The following NHS variants were observed in gnomAD, a reference collection of about 807,000 sequenced individuals.
NHS encodes NHS actin remodeling regulator.
NHS carries 5 observed loss-of-function variants against 72.5 expected under a neutral mutation model. The observed-to-expected ratio is 0.07, with a 90% CI of 0.04 to 0.14. The LOEUF is 0.14. Ranked by LOEUF, NHS falls within the 10% of genes least tolerant of loss-of-function variation. The probability of loss-of-function intolerance (pLI) is 1.00; values close to 1 mark genes in which losing one functional copy is unlikely to be tolerated. For synonymous variants in NHS, 464 were observed against 547.7 expected (o/e 0.85, Z 2.13); for missense variants, 1,072 against 1,355.7 (o/e 0.79, Z 3.29).
chrX:17,419,636 T>C (rs578079770), intron 1 of NHS, among the ~76,000 whole-genome samples: 1 of 110,958 alleles, frequency 9.0e-6, no homozygotes, highest in East Asian at 2.8e-4. Context: ...AGAATATTTC[T>C]AGATTTAGTG....
At chrX:17,521,950 C>G (rs925722366) in intron 1 of NHS, among the ~76,000 whole-genome samples, 3 of 112,536 alleles carry the variant, frequency 2.7e-5, no homozygotes, top group African/African-American at 9.7e-5. Context: ...TTCCAATTCT[C>G]TGGATAATTC....
intron 1 of NHS, among the ~76,000 whole-genome samples, chrX:17,610,337 T>A (rs1329384940): frequency 1.8e-5 from 2 of 112,307 alleles, no homozygotes; most frequent in East Asian, 5.6e-4. Flanking sequence ...AAAACATAAT[T>A]CTTTGCCTCT....
chrX:17,415,021 C>A (rs1217356573), intron 1 of NHS, among the ~76,000 whole-genome samples: 1 of 111,143 alleles, frequency 9.0e-6, no homozygotes, highest in African/African-American at 3.3e-5. Flanking sequence ...ACTGAGCCTG[C>A]CCTGCCCTGC....
intron 1 of NHS, among the ~76,000 whole-genome samples, chrX:17,508,975 G>A (rs1258171631): frequency 9.0e-6 from 1 of 111,481 alleles, no homozygotes; most frequent in Non-Finnish European, 1.9e-5. Flanking sequence ...CAAACCCAGA[G>A]CCTTCATGTA....
chrX:17,511,149 T>A (rs1349898334), intron 1 of NHS, among the ~76,000 whole-genome samples: 1 of 112,026 alleles, frequency 8.9e-6, no homozygotes, highest in Non-Finnish European at 1.9e-5. Flanking sequence ...TACTTGTGGG[T>A]GGGCAGGATG....
At chrX:17,691,053 C>T (rs995467520) in intron 2 of NHS, among the ~76,000 whole-genome samples, 2 of 111,524 alleles carry the variant, frequency 1.8e-5, no homozygotes, top group Non-Finnish European at 3.8e-5. Context: ...TACCTCAGCA[C>T]CAGAAAAAGG....
In NHS at chrX:17,641,333, G is replaced by A. The variant is rs148862695; in HGVS notation, c.566-46409G>A. Among the ~76,000 whole-genome samples the A allele has an allele frequency of 3.2e-3, 361 of 111,597 alleles. 2 individuals are homozygous for A. Among genetic ancestry groups the A allele is most frequent in the Middle Eastern group, 4.6e-3 (1 of 216 alleles). The stretch of plus-strand genomic sequence containing the variant: ...AGGGTGGCAGGCCCAGCCACTGATG[G>A]ACTCAGAAGAAATATCTGGGAGATA... On this transcript the variant is annotated intron_variant, in intron 1 of 8. Transcript: ENST00000676302.
In NHS at chrX:17,376,231, G is replaced by A. The variant is rs1334049238; in HGVS notation, c.474G>A (p.Gln158=). 8.5e-7 allele frequency: 1 copy of A among 1,182,438 alleles called. No individual in the cohort carries two copies. Among genetic ancestry groups the A allele is most frequent in the Admixed American group, 2.3e-5 (1 of 44,309 alleles). Residue 158 remains glutamine (Q), a synonymous_variant, in exon 1 of 9, where the codon CAG becomes CAA. Transcript: ENST00000676302. ...TCCAGGAGCTCGAGAGCGACATCCA[G>A]CTCACCCACCGCCGCGTCTGGGCGC... The part of the protein sequence containing the change: ...SLFQELESDI[Q]LTHRRVWALQ...
intron 1 of NHS, among the ~76,000 whole-genome samples, chrX:17,676,804 A>C (rs1394792835): frequency 8.9e-6 from 1 of 112,528 alleles, no homozygotes; most frequent in African/African-American, 3.2e-5. Flanking sequence ...GCTGAAAAGC[A>C]AGCACTTTAC....
At chrX:17,563,220 C>T (rs1157479500) in intron 1 of NHS, among the ~76,000 whole-genome samples, 1 of 112,719 alleles carries the variant, frequency 8.9e-6, no homozygotes, top group African/African-American at 3.2e-5. Flanking sequence ...GTCCATCTGC[C>T]ATGCCTAAAT....
At chrX:17,624,389 A>G (rs1017696026) in intron 1 of NHS, among the ~76,000 whole-genome samples, 1 of 112,522 alleles carries the variant, frequency 8.9e-6, no homozygotes, top group African/African-American at 3.2e-5. Context: ...TACAAAGTGA[A>G]CACACTCCTG....
chrX:17,669,911 C>T (rs1227800780), intron 1 of NHS, among the ~76,000 whole-genome samples: 3 of 112,358 alleles, frequency 2.7e-5, no homozygotes, highest in South Asian at 3.7e-4. Context: ...GAATGCTCTG[C>T]TCCAGGCCCC....
At chrX:17,584,948 G>A (rs2065566618) in intron 1 of NHS, among the ~76,000 whole-genome samples, 1 of 111,214 alleles carries the variant, frequency 9.0e-6, no homozygotes, top group South Asian at 3.8e-4. Flanking sequence ...GCAGTTGCTT[G>A]TGGCTAAAAA....
At chrX:17,469,246 G>C (rs1003507626) in intron 1 of NHS, among the ~76,000 whole-genome samples, 6 of 112,172 alleles carry the variant, frequency 5.3e-5, no homozygotes, top group Non-Finnish European at 1.1e-4. Flanking sequence ...TTTCCAGTTT[G>C]GGGCTATTAC....
chrX:17,380,637 G>A (rs1027092869), intron 1 of NHS, among the ~76,000 whole-genome samples: 2 of 111,986 alleles, frequency 1.8e-5, no homozygotes, highest in South Asian at 3.7e-4. Context: ...GTGAGCCACC[G>A]CACCCAGCTC....
chrX:17,615,195 C>CATATATACGTAT (rs1205285943), intron 1 of NHS, among the ~76,000 whole-genome samples: 10 of 81,233 alleles, frequency 1.2e-4, no homozygotes, highest in Admixed American at 4.2e-4. Flanking sequence ...TATATATACA[C>CATATATACGTAT]ATATATACGT....
chrX:17,596,119 ACAAATT>A (rs751474190), intron 1 of NHS, among the ~76,000 whole-genome samples: 2 of 112,321 alleles, frequency 1.8e-5, no homozygotes, highest in Admixed American at 1.9e-4. Context: ...ACAAAGCCAA[ACAAATT>A]CACTCAGTTT....
intron 1 of NHS, among the ~76,000 whole-genome samples, chrX:17,400,157 A>C (rs752493163): frequency 9.8e-5 from 11 of 112,404 alleles, no homozygotes; most frequent in Non-Finnish European, 1.3e-4. Flanking sequence ...TCTTGTATGT[A>C]GAAAATTCTA....
At chrX:17,513,313 C>A (rs886668424) in intron 1 of NHS, among the ~76,000 whole-genome samples, 1 of 112,047 alleles carries the variant, frequency 8.9e-6, no homozygotes, top group Non-Finnish European at 1.9e-5. Flanking sequence ...TCTACAACTT[C>A]TTTAATCTCA....
Sources: allele counts gnomAD v4.1 joint callset (sites outside exome capture counted in the v4.1 genomes callset), GRCh38; gene constraint gnomAD v4.1.1; transcripts MANE v1.5; gene names NCBI Gene and HGNC (gene_info 2026-07-23, HGNC 2026-07-21).